Variants in UBE4B observed in about 807,000 individuals in gnomAD.
The protein encoded by UBE4B is ubiquitin conjugation factor E4 B.
A neutral mutation model predicts 148.1 loss-of-function variants in UBE4B; 27 were observed. That is an observed-to-expected ratio of 0.18 (90% CI 0.13 to 0.25). The LOEUF (loss-of-function observed/expected upper bound fraction) is 0.25. UBE4B is among the 10% of genes least tolerant of loss of function. The pLI is 1.00. For synonymous variants in UBE4B, 596 were observed against 619.3 expected, an observed-to-expected ratio of 0.96 and a Z score of 0.56; for missense variants, 1,170 against 1,662.4, an observed-to-expected ratio of 0.70 and a Z score of 5.15.
intron 3 of UBE4B, 92 bp from the exon 4 acceptor site, chr1:10,101,016 G>C (rs1645001812): frequency 2.7e-6 from 3 of 1,108,514 alleles, no homozygotes; most frequent in Non-Finnish European, 4.0e-6. Flanking sequence ...CTGATTAACT[G>C]ATATTTTAAA....
Position 10,130,711 on chromosome 1 carries a change from C to T in UBE4B, c.1813-4C>T, listed in dbSNP as rs781017734. On this transcript the variant is annotated splice_region_variant and splice_polypyrimidine_tract_variant and intron_variant, in intron 13 of 27. Coordinates refer to ENST00000343090, the MANE Select transcript of UBE4B (RefSeq NM_001105562.3). ...TTGACTGCATTTTTTCCTTCTCTTT[C>T]CAGGTTAAAGTGGTTGAAAAATACT... 2 of 1,614,002 alleles carry T rather than the reference C, an allele frequency of 1.2e-6. No individual in the cohort carries two copies. The highest frequency in any genetic ancestry group is 4.5e-5 in the East Asian group (2 of 44,880).
intron 26 of UBE4B, 79 bp from the exon 27 acceptor site, chr1:10,179,337 G>C (rs1054147691): frequency 6.4e-6 from 10 of 1,552,604 alleles, no homozygotes; most frequent in African/African-American, 2.7e-5. Context: ...TAGATTTTTC[G>C]CTGGTAGAAC....
chr1:10,101,424 G>GCTTTTTTTTT (rs1557552300), intron 4 of UBE4B, among the ~76,000 whole-genome samples: 1 of 144,408 alleles, frequency 6.9e-6, no homozygotes, highest in Non-Finnish European at 1.5e-5. Flanking sequence ...TCAGGGCCAT[G>GCTTTTTTTTT]ATTTTATCAG....
At chr1:10,105,852 G>A (rs1478227377) in intron 6 of UBE4B, 108 bp downstream of exon 6, 27 of 1,092,414 alleles carry the variant, frequency 2.5e-5, no homozygotes, top group African/African-American at 4.7e-5. Context: ...ACAGGGTATG[G>A]CATATATCAT....
intron 2 of UBE4B, among the ~76,000 whole-genome samples, chr1:10,092,838 A>G (rs919206501): frequency 6.6e-6 from 1 of 152,072 alleles, no homozygotes; most frequent in Admixed American, 6.5e-5. Context: ...CAAAAAAAAA[A>G]AAGAAGAAAG....
chr1:10,165,270 C>G (rs1646229678), intron 23 of UBE4B, among the ~76,000 whole-genome samples: 1 of 152,118 alleles, frequency 6.6e-6, no homozygotes, highest in Non-Finnish European at 1.5e-5. Context: ...AGGCTCGATG[C>G]TTTGGAGTTG....
chr1:10,130,654 A>G (rs1481447131), intron 13 of UBE4B, 38 bp downstream of exon 13: 1 of 1,612,644 alleles, frequency 6.2e-7, no homozygotes, highest in Admixed American at 1.7e-5. Context: ...CTGCCCTTTT[A>G]TTCAGATTCT....
chr1:10,034,961 A>G (rs1570750561), intron 1 of UBE4B, among the ~76,000 whole-genome samples: 1 of 151,984 alleles, frequency 6.6e-6, no homozygotes, highest in South Asian at 2.1e-4. Context: ...TCGGTAGGAA[A>G]TCTCCTTAGA....
chr1:10,158,002 A>G (rs1420557925), intron 21 of UBE4B, among the ~76,000 whole-genome samples: 1 of 152,168 alleles, frequency 6.6e-6, no homozygotes, highest in African/African-American at 2.4e-5. Context: ...CCGCTGAAGT[A>G]TGTCCATTTG....
At chr1:10,045,903 G>A (rs981568003) in intron 1 of UBE4B, among the ~76,000 whole-genome samples, 1 of 152,198 alleles carries the variant, frequency 6.6e-6, no homozygotes, top group Non-Finnish European at 1.5e-5. Flanking sequence ...GTTGATTGTT[G>A]TAACAGAGAG....
chr1:10,172,731 C>T (rs973641000), intron 25 of UBE4B, among the ~76,000 whole-genome samples: 5 of 152,082 alleles, frequency 3.3e-5, no homozygotes, highest in African/African-American at 1.2e-4. Flanking sequence ...TGAGCTATAA[C>T]TCACATATGT....
At chr1:10,101,294 G>C in intron 4 of UBE4B, 99 bp downstream of exon 4, 1 of 1,093,048 alleles carries the variant, frequency 9.1e-7, no homozygotes, top group Non-Finnish European at 1.4e-6. Context: ...CCCGAAATCA[G>C]GAAGTCCTAG....
At chr1:10,080,777 A>C (rs996663246) in intron 2 of UBE4B, among the ~76,000 whole-genome samples, 1 of 152,252 alleles carries the variant, frequency 6.6e-6, no homozygotes, top group Admixed American at 6.5e-5. Flanking sequence ...ATGAACTTGG[A>C]AGACACCATG....
intron 12 of UBE4B, among the ~76,000 whole-genome samples, chr1:10,130,254 T>C (rs773105450): frequency 3.3e-5 from 5 of 152,222 alleles, no homozygotes; most frequent in Middle Eastern, 3.4e-3. Flanking sequence ...TTTGTATTTT[T>C]AGTAGAGACG....
At chr1:10,147,759 A>C (rs776997195) in intron 19 of UBE4B, among the ~76,000 whole-genome samples, 23 of 152,186 alleles carry the variant, frequency 1.5e-4, no homozygotes, top group Non-Finnish European at 2.6e-4. Context: ...CACCTAATTC[A>C]GAGAGTGAGC....
intron 10 of UBE4B, among the ~76,000 whole-genome samples, chr1:10,122,694 G>C (rs924391778): frequency 6.6e-6 from 1 of 152,220 alleles, no homozygotes; most frequent in African/African-American, 2.4e-5. Flanking sequence ...TGTTAACATT[G>C]CTGTTTGAAG....
At chr1:10,046,028 C>T (rs1307624321) in intron 1 of UBE4B, among the ~76,000 whole-genome samples, 2 of 152,180 alleles carry the variant, frequency 1.3e-5, no homozygotes, top group Non-Finnish European at 2.9e-5. Context: ...GCCCAGGTGC[C>T]TTCTGTCTTG....
chr1:10,081,573 T>G (rs1352645092), intron 2 of UBE4B, among the ~76,000 whole-genome samples: 11 of 149,952 alleles, frequency 7.3e-5, no homozygotes, highest in African/African-American at 2.7e-4. Flanking sequence ...TCCTGGCACG[T>G]GCCACCATGC....
intron 25 of UBE4B, 74 bp downstream of exon 25, chr1:10,171,403 C>T: frequency 6.5e-7 from 1 of 1,538,336 alleles, no homozygotes. Flanking sequence ...GGCCAGGGAA[C>T]TCGTCTGGTG....
Sources: allele counts gnomAD v4.1 joint callset (sites outside exome capture counted in the v4.1 genomes callset), GRCh38; gene constraint gnomAD v4.1.1; transcripts MANE v1.5; gene names NCBI Gene and HGNC (gene_info 2026-07-23, HGNC 2026-07-21).